The following EBF1 variants were observed in gnomAD, a reference collection of about 807,000 sequenced individuals.
EBF1 encodes EBF transcription factor 1.
Under a neutral mutation model 68.4 loss-of-function variants are expected in EBF1, and 10 were observed. The observed-to-expected ratio is 0.15, with a 90% CI of 0.09 to 0.25. The LOEUF (loss-of-function observed/expected upper bound fraction) is 0.25, where lower values mean the gene tolerates loss of function less well. EBF1 is among the 10% of genes least tolerant of loss of function. The pLI, the probability that EBF1 is intolerant of heterozygous loss-of-function variation, is 1.00. For missense variants in EBF1, 509 were observed against 794.4 expected, an observed-to-expected ratio of 0.64 and a Z score of 4.32; for synonymous variants, 298 against 299.8, an observed-to-expected ratio of 0.99 and a Z score of 0.06.
chr5:158,927,301 C>T (rs368987672), intron 6 of EBF1, among the ~76,000 whole-genome samples: 5 of 152,124 alleles, frequency 3.3e-5, no homozygotes, highest in Admixed American at 6.5e-5. Context: ...CATTTTTCTC[C>T]GTGCTCTTTC....
chr5:158,948,924 C>A (rs1250608007), intron 6 of EBF1, among the ~76,000 whole-genome samples: 1 of 152,184 alleles, frequency 6.6e-6, no homozygotes, highest in Non-Finnish European at 1.5e-5. Context: ...GAATGGCTGC[C>A]TGCTGTATCA....
chr5:158,897,041 T>C (rs1329742619), intron 6 of EBF1, among the ~76,000 whole-genome samples: 1 of 152,220 alleles, frequency 6.6e-6, no homozygotes. Context: ...GTTAAGGGTC[T>C]ATTAGACCCT....
chr5:158,940,638 C>CTCAGGGAGACATCA, intron 6 of EBF1, among the ~76,000 whole-genome samples: 1 of 152,000 alleles, frequency 6.6e-6, no homozygotes, highest in East Asian at 1.9e-4. Context: ...TTGGAACATT[C>CTCAGGGAGACATCA]TCAGGGAGAC....
intron 8 of EBF1, 109 bp downstream of exon 8, chr5:158,823,067 G>C: frequency 6.7e-7 from 1 of 1,484,320 alleles, no homozygotes; most frequent in Non-Finnish European, 9.3e-7. Flanking sequence ...TATTCAAAAA[G>C]ACTTTTGAAA....
At chr5:158,828,965 T>C (rs952494292) in intron 7 of EBF1, among the ~76,000 whole-genome samples, 1 of 152,174 alleles carries the variant, frequency 6.6e-6, no homozygotes. Flanking sequence ...ATTCCAACTA[T>C]ACGATATTCT....
chr5:158,708,078 C>A lies in EBF1; in HGVS notation c.1645G>T (p.Val549Phe), dbSNP rs1446440015. 4.4e-6 allele frequency: 7 copies of A among 1,573,752 alleles called. No individual in the cohort carries two copies. The highest frequency in any genetic ancestry group is 5.2e-6 in the Non-Finnish European group (6 of 1,158,736). ...GCACTCTTCTGTTTCACGGCTGAGACCATGTTGGCTGGTGAGAAGGAGAAG... is the reference window on the plus strand; with the variant it reads ...GCACTCTTCTGTTTCACGGCTGAGAACATGTTGGCTGGTGAGAAGGAGAAG... ...GIFSFSPANM[V>F]SAVKQKSAFA... The change falls in exon 15 of 16, where the codon GTC becomes TTC. Residue 549 changes from valine (V) to phenylalanine (F), a missense_variant. Val to Phe is a conservative substitution (Grantham distance 50, BLOSUM62 -1). Transcript: ENST00000313708.
chr5:159,071,737 G>GA (rs756113435), intron 6 of EBF1, among the ~76,000 whole-genome samples: 1,472 of 121,524 alleles, frequency 0.012, 14 homozygotes, highest in African/African-American at 0.038. Context: ...ATTCACAAGC[G>GA]AAAAAAAAAA....
At chr5:158,869,578 A>AACACACAC (rs3035120) in intron 6 of EBF1, among the ~76,000 whole-genome samples, 13 of 145,172 alleles carry the variant, frequency 9.0e-5, no homozygotes, top group African/African-American at 2.1e-4. Flanking sequence ...GATCCTAATA[A>AACACACAC]ACACACACAC....
At chr5:159,072,907 G>A (rs539459997) in intron 6 of EBF1, among the ~76,000 whole-genome samples, 30 of 152,232 alleles carry the variant, frequency 2.0e-4, no homozygotes, top group Non-Finnish European at 3.2e-4. Flanking sequence ...GCAAATAACA[G>A]TAGAAAATCT....
At chr5:159,044,496 T>A (rs975428848) in intron 6 of EBF1, among the ~76,000 whole-genome samples, 1 of 152,188 alleles carries the variant, frequency 6.6e-6, no homozygotes, top group African/African-American at 2.4e-5. Flanking sequence ...GTGGAGGAAG[T>A]GGACTCAGGA....
At chr5:158,932,138 T>C (rs1419887099) in intron 6 of EBF1, among the ~76,000 whole-genome samples, 1 of 152,180 alleles carries the variant, frequency 6.6e-6, no homozygotes, top group Non-Finnish European at 1.5e-5. Context: ...TTGAAAACAT[T>C]CATATCCTTT....
intron 8 of EBF1, among the ~76,000 whole-genome samples, chr5:158,820,923 T>C (rs2127845317): frequency 6.6e-6 from 1 of 152,258 alleles, no homozygotes; most frequent in Non-Finnish European, 1.5e-5. Flanking sequence ...GTGGCTTTTT[T>C]CCCCCTCTCC....
chr5:158,740,893 T>C (rs1403896865), intron 10 of EBF1, among the ~76,000 whole-genome samples: 1 of 152,250 alleles, frequency 6.6e-6, no homozygotes, highest in Non-Finnish European at 1.5e-5. Context: ...AAACTTTCTC[T>C]GTTCACAGTA....
At chr5:158,824,327 C>T (rs1785537496) in intron 7 of EBF1, among the ~76,000 whole-genome samples, 1 of 152,166 alleles carries the variant, frequency 6.6e-6, no homozygotes, top group African/African-American at 2.4e-5. Flanking sequence ...CCCCTGTCAG[C>T]CGCAAGCACC....
At chr5:158,907,097 G>C (rs1804813511) in intron 6 of EBF1, among the ~76,000 whole-genome samples, 1 of 152,210 alleles carries the variant, frequency 6.6e-6, no homozygotes, top group Non-Finnish European at 1.5e-5. Flanking sequence ...GCAAATCAGG[G>C]AAGTTGGTCA....
At chr5:158,702,700 C>T (rs769014401) in intron 15 of EBF1, among the ~76,000 whole-genome samples, 7 of 134,408 alleles carry the variant, frequency 5.2e-5, no homozygotes, top group Middle Eastern at 4.1e-3. Context: ...GCCGAGATCG[C>T]GCCACTGCAC....
At chr5:159,052,992 A>C (rs962023591) in intron 6 of EBF1, among the ~76,000 whole-genome samples, 101 of 152,230 alleles carry the variant, frequency 6.6e-4, no homozygotes, top group African/African-American at 2.2e-3. Flanking sequence ...AAGGAAGCCC[A>C]GGGGAGCAAT....
chr5:158,948,398 C>G (rs1815293544), intron 6 of EBF1, among the ~76,000 whole-genome samples: 3 of 152,046 alleles, frequency 2.0e-5, no homozygotes, highest in Admixed American at 2.0e-4. Context: ...ACCACTGTAG[C>G]AGGGGCATTA....
chr5:158,822,234 C>A (rs1019305390), intron 8 of EBF1, among the ~76,000 whole-genome samples: 2 of 151,738 alleles, frequency 1.3e-5, no homozygotes, highest in African/African-American at 2.4e-5. Flanking sequence ...TCCAGCAGAG[C>A]CTCAGTCACT....
Sources: allele counts gnomAD v4.1 joint callset (sites outside exome capture counted in the v4.1 genomes callset), GRCh38; gene constraint gnomAD v4.1.1; transcripts MANE v1.5; gene names NCBI Gene and HGNC (gene_info 2026-07-23, HGNC 2026-07-21).